The following DNAH7 variants were observed in gnomAD, a reference collection of about 807,000 sequenced individuals.
DNAH7 encodes the protein axonemal beta dynein heavy chain 7.
In DNAH7, 397 loss-of-function variants were observed where a neutral mutation model predicts 444.6. The observed-to-expected ratio is 0.89, with a 90% CI of 0.82 to 0.97. DNAH7 has a LOEUF of 0.97. DNAH7 is among the 50% of genes least tolerant of loss of function. The pLI, the probability that DNAH7 is intolerant of heterozygous loss-of-function variation, is 0.00. For missense variants in DNAH7, 4,902 were observed against 4,800.8 expected (o/e 1.02, Z -0.62); for synonymous variants, 1,636 against 1,624.4 (o/e 1.01, Z -0.17).
At chr2:195,835,621 G>A (rs1454998517) in intron 47 of DNAH7, among the ~76,000 whole-genome samples, 2 of 152,032 alleles carry the variant, frequency 1.3e-5, no homozygotes, top group Admixed American at 6.6e-5. Context: ...CGAGGTAGGC[G>A]GATCATGGGG....
At chr2:195,953,984 G>C (rs572067652) in intron 19 of DNAH7, among the ~76,000 whole-genome samples, 2 of 152,278 alleles carry the variant, frequency 1.3e-5, no homozygotes, top group East Asian at 1.9e-4. Flanking sequence ...TATGGAGAAA[G>C]AGAAAATGCA....
At chr2:195,994,828 A>C in intron 12 of DNAH7, 1 of 439,966 alleles carries the variant, frequency 2.3e-6, no homozygotes. Flanking sequence ...CAGTTCATCT[A>C]ATTTTTTCTC....
In DNAH7 at chr2:196,019,242, T is replaced by C. The variant is rs1255564721; in HGVS notation, c.797A>G (p.Tyr266Cys). The change falls in exon 9 of 65, where the codon TAT becomes TGT. Residue 266 changes from tyrosine (Y) to cysteine (C), a missense_variant. Transcript: ENST00000312428. ...CATTGCATTCAAGTGATCCCTAATA[T>C]AACTGCTTGCAGCTAAAAAAGATTT... ...WRKSFLAASS[Y>C]IRDHLNAMNP... 9.9e-6 allele frequency: 15 copies of C among 1,514,416 alleles called. No individual in the cohort carries two copies. The highest frequency in any genetic ancestry group is 1.3e-5 in the Non-Finnish European group (14 of 1,118,624). The allele number at this position is 1,514,416 out of a possible 1,614,324, so 93.8% of individuals were successfully genotyped here. A position where few individuals can be genotyped will look rare whatever the true frequency, so the allele number is the denominator to read the frequency against.
chr2:195,837,712 A>C (rs1243865780), intron 47 of DNAH7, among the ~76,000 whole-genome samples: 1 of 152,182 alleles, frequency 6.6e-6, no homozygotes, highest in East Asian at 1.9e-4. Context: ...CCCCACTCAC[A>C]GAACTGTATT....
chr2:195,887,739 A>G (rs1307591594), intron 33 of DNAH7, among the ~76,000 whole-genome samples: 2 of 152,150 alleles, frequency 1.3e-5, no homozygotes, highest in African/African-American at 4.8e-5. Context: ...AGCTAGAGAG[A>G]GTTTAAGAGC....
At chr2:195,776,819 G>C (rs1245537135) in intron 59 of DNAH7, among the ~76,000 whole-genome samples, 1 of 151,930 alleles carries the variant, frequency 6.6e-6, no homozygotes, top group Non-Finnish European at 1.5e-5. Flanking sequence ...TACCTTCCTT[G>C]ATGCTCATAG....
Position 195,881,911 on chromosome 2 carries a change from T to C in DNAH7, c.5845A>G (p.Ile1949Val), listed in dbSNP as rs1430821409. Residue 1949 changes from isoleucine (I) to valine (V), a missense_variant, in exon 36 of 65, where the codon ATT (isoleucine) becomes GTT (valine). Physicochemically the swap from Ile to Val is conservative, Grantham distance 29. Coordinates refer to ENST00000312428, the MANE Select transcript of DNAH7 (RefSeq NM_018897.3). ...CGAATTGTGTCCAGAGTTGGCACAA[T>C]GATTTCATTAAACATTACATCTTTA... ...IPKDVMFNEI[I>V]VPTLDTIRYS... 2 of 1,614,052 alleles carry C rather than the reference T, an allele frequency of 1.2e-6. No homozygotes were observed. The highest frequency in any genetic ancestry group is 2.2e-5 in the East Asian group (1 of 44,834).
intron 10 of DNAH7, among the ~76,000 whole-genome samples, chr2:196,009,321 A>G (rs1484397418): frequency 6.6e-6 from 1 of 152,204 alleles, no homozygotes; most frequent in Non-Finnish European, 1.5e-5. Flanking sequence ...AATTGTACAC[A>G]TTAAAGTAGT....
chr2:195,861,994 G>C (rs780770804), intron 41 of DNAH7, 48 bp from the exon 42 acceptor site: 2 of 1,431,170 alleles, frequency 1.4e-6, no homozygotes. Flanking sequence ...TTACGAATCT[G>C]GATCTGCTAC....
intron 57 of DNAH7, among the ~76,000 whole-genome samples, chr2:195,787,682 T>C (rs1410620178): frequency 6.6e-6 from 1 of 152,038 alleles, no homozygotes; most frequent in African/African-American, 2.4e-5. Context: ...TAATCCCCAG[T>C]AGGGAGGGTT....
intron 19 of DNAH7, among the ~76,000 whole-genome samples, chr2:195,946,156 G>A (rs1320866574): frequency 1.3e-5 from 2 of 152,114 alleles, no homozygotes; most frequent in Non-Finnish European, 2.9e-5. Context: ...TATGCTCAAG[G>A]ATACAAACAA....
rs1285756883 is a variant in DNAH7 at position 196,030,112 on chromosome 2, G to T, written c.399-2065C>A. 2.0e-5 allele frequency among the ~76,000 whole-genome samples: 3 copies of T among 152,194 alleles called. No homozygotes were observed. The East Asian group carries it at 5.8e-4, about 29-fold the overall frequency. On this transcript the variant is annotated intron_variant, in intron 5 of 64. Transcript: ENST00000312428. ...ACCTGAGACTGGGCAATTTAAAAAAGAAAGAGGTTTAATGGACTTACAGTT... is the reference window on the plus strand; with the variant it reads ...ACCTGAGACTGGGCAATTTAAAAAATAAAGAGGTTTAATGGACTTACAGTT...
At chr2:195,748,584 T>A (rs1381406022) in intron 63 of DNAH7, among the ~76,000 whole-genome samples, 1 of 152,158 alleles carries the variant, frequency 6.6e-6, no homozygotes, top group Non-Finnish European at 1.5e-5. Flanking sequence ...GACTTCAAAC[T>A]ATACTACAAG....
At chr2:195,799,217 C>G in intron 55 of DNAH7, 79 bp downstream of exon 55, 1 of 1,236,092 alleles carries the variant, frequency 8.1e-7, no homozygotes, top group Non-Finnish European at 1.1e-6. Context: ...CTACCTTTCC[C>G]TCATCCTTAA....
intron 24 of DNAH7, among the ~76,000 whole-genome samples, chr2:195,920,877 T>C (rs1041081777): frequency 7.2e-5 from 11 of 151,784 alleles, no homozygotes; most frequent in Non-Finnish European, 4.4e-5. Context: ...AAGAAAAAAA[T>C]AACTAATCCC....
intron 12 of DNAH7, among the ~76,000 whole-genome samples, chr2:195,989,120 T>G (rs1574960196): frequency 6.6e-6 from 1 of 152,234 alleles, no homozygotes; most frequent in African/African-American, 2.4e-5. Flanking sequence ...CATATCTTGG[T>G]TATTATGAAT....
chr2:195,987,879 T>C, intron 13 of DNAH7, 78 bp downstream of exon 13: 1 of 1,346,638 alleles, frequency 7.4e-7, no homozygotes, highest in Non-Finnish European at 1.0e-6. Context: ...TTATCTGTGT[T>C]CTAAAAATAC....
intron 6 of DNAH7, 83 bp from the exon 7 acceptor site, chr2:196,027,023 A>T: frequency 9.5e-7 from 1 of 1,048,952 alleles, no homozygotes; most frequent in East Asian, 2.6e-5. Context: ...GCAAAATTCA[A>T]GTTTTAGGAG....
Position 195,923,735 on chromosome 2 carries a change from A to G in DNAH7, c.3685T>C (p.Ser1229Pro), listed in dbSNP as rs1559228916. Residue 1229 changes from serine to proline, a missense_variant, in exon 23 of 65, where the codon TCC becomes CCC. By Grantham distance (74) the Ser-to-Pro change is moderately conservative. Transcript: ENST00000312428. Reference protein sequence around the residue: ...DIVTLVRGKLSMQNRVTLGAL... With the variant: ...DIVTLVRGKLPMQNRVTLGAL... ...CCCAGAGTTACGCGATTCTGCATGGACAATTTGCCACGCACCAAAGTGACA... is the reference window on the plus strand; with the variant it reads ...CCCAGAGTTACGCGATTCTGCATGGGCAATTTGCCACGCACCAAAGTGACA... 6.2e-7 allele frequency: 1 copy of G among 1,614,136 alleles called. No individual in the cohort carries two copies. The highest frequency in any genetic ancestry group is 8.5e-7 in the Non-Finnish European group (1 of 1,180,022).
Sources: allele counts gnomAD v4.1 joint callset (sites outside exome capture counted in the v4.1 genomes callset), GRCh38; gene constraint gnomAD v4.1.1; transcripts MANE v1.5; gene names NCBI Gene and HGNC (gene_info 2026-07-23, HGNC 2026-07-21).